Variants in NPSR1 observed in about 807,000 individuals in gnomAD.
The protein encoded by NPSR1 is neuropeptide S receptor.
NPSR1 carries 48 observed loss-of-function variants against 46.9 expected under a neutral mutation model. The observed-to-expected ratio is 1.02, with a 90% CI of 0.81 to 1.30. The LOEUF is 1.30. Ranked by LOEUF, NPSR1 falls within the 50% of genes most tolerant of loss-of-function variation. NPSR1 has a pLI of 0.00. For synonymous variants in NPSR1, 176 were observed against 168.1 expected, an observed-to-expected ratio of 1.05 and a Z score of -0.36; for missense variants, 450 against 449.5, an observed-to-expected ratio of 1.00 and a Z score of -0.01.
intron 5 of NPSR1, among the ~76,000 whole-genome samples, chr7:34,832,521 A>C (rs1790167429): frequency 6.6e-6 from 1 of 152,204 alleles, no homozygotes; most frequent in South Asian, 2.1e-4. Context: ...GTCCAAAAAA[A>C]AATGGGGACA....
intron 2 of NPSR1, among the ~76,000 whole-genome samples, chr7:34,725,742 G>C (rs978553265): frequency 2.6e-5 from 4 of 152,216 alleles, no homozygotes; most frequent in Non-Finnish European, 5.9e-5. Flanking sequence ...ATTGGCAAAA[G>C]ACAGACATCG....
chr7:34,811,495 C>A lies in NPSR1; in HGVS notation c.385-275C>A, dbSNP rs372765778. Among the ~76,000 whole-genome samples the A allele has an allele frequency of 9.9e-5, 15 of 152,208 alleles. No homozygotes were observed. The East Asian group carries it at 2.5e-3, about 25-fold the overall frequency. On this transcript the variant is annotated intron_variant, in intron 3 of 8. Coordinates refer to ENST00000360581, the MANE Select transcript of NPSR1 (RefSeq NM_207172.2). Reference sequence around the variant, plus strand: ...GGGCATGTAGCTGGCCAAAAGGCAACTTTTTGGGCACAAAAACAGGAATAC... The same window carrying A: ...GGGCATGTAGCTGGCCAAAAGGCAAATTTTTGGGCACAAAAACAGGAATAC...
intron 3 of NPSR1, among the ~76,000 whole-genome samples, chr7:34,805,190 A>G (rs959356565): frequency 2.0e-5 from 3 of 151,954 alleles, no homozygotes; most frequent in African/African-American, 7.2e-5. Context: ...CTCTAAAATC[A>G]TATGGAAAGG....
rs34203443 is a variant in NPSR1 at position 34,733,418 on chromosome 7, T to TAA, written c.281-45029_281-45028dup. ...TGGGTAACAAAGCAAGATTTTGTCT[T>TAA]AAAAAAAAAAAAAAAAGAAAAAGAA... On this transcript the variant is annotated intron_variant, in intron 2 of 8. Coordinates refer to ENST00000360581, the MANE Select transcript of NPSR1 (RefSeq NM_207172.2). Among the ~76,000 whole-genome samples the TAA allele has an allele frequency of 9.1e-3, 1,202 of 131,740 alleles. 17 individuals carry two copies. The highest frequency in any genetic ancestry group is 0.031 in the African/African-American group (1,074 of 34,840). 86.4% of individuals were successfully genotyped at this position (131,740 alleles called of 152,430 possible).
At chr7:34,832,616 G>T (rs1367282117) in intron 5 of NPSR1, among the ~76,000 whole-genome samples, 1 of 152,172 alleles carries the variant, frequency 6.6e-6, no homozygotes, top group Non-Finnish European at 1.5e-5. Flanking sequence ...TAGTTATTAG[G>T]TGTTCGCCAT....
chr7:34,698,512 T>C (rs1203844609), intron 2 of NPSR1, among the ~76,000 whole-genome samples: 16 of 152,188 alleles, frequency 1.1e-4, no homozygotes, highest in Admixed American at 9.8e-4. Flanking sequence ...AATCAATTTT[T>C]GTCAAACACT....
intron 3 of NPSR1, among the ~76,000 whole-genome samples, chr7:34,791,086 T>C (rs1787816627): frequency 2.0e-5 from 2 of 100,274 alleles, no homozygotes; most frequent in Admixed American, 2.2e-4. Flanking sequence ...ATGTTATATG[T>C]TATATATATT....
At chr7:34,848,799 C>A (rs1790834747) in intron 8 of NPSR1, 136 bp downstream of exon 8, 3 of 780,202 alleles carry the variant, frequency 3.8e-6, no homozygotes, top group South Asian at 3.6e-5. Context: ...GCTTGAGAGT[C>A]AGAAAGATTC....
intron 2 of NPSR1, chr7:34,750,342 C>T: frequency 1.4e-6 from 1 of 720,130 alleles, no homozygotes; most frequent in Non-Finnish European, 2.6e-6. Context: ...AAATCTTCCT[C>T]ACTTGACTCA....
chr7:34,828,105 G>A (rs1789946867), intron 5 of NPSR1, among the ~76,000 whole-genome samples: 1 of 152,220 alleles, frequency 6.6e-6, no homozygotes, highest in South Asian at 2.1e-4. Context: ...ACAAAACTCA[G>A]TATGCACTAA....
chr7:34,675,979 C>T (rs369083676), intron 1 of NPSR1, among the ~76,000 whole-genome samples: 1 of 152,122 alleles, frequency 6.6e-6, no homozygotes, highest in Non-Finnish European at 1.5e-5. Flanking sequence ...CTATATTCTG[C>T]AATAGTTTGG....
At chr7:34,689,604 CAAAAAAAAAAAAAAAAAAAA>C (rs869170591) in intron 2 of NPSR1, among the ~76,000 whole-genome samples, 621 of 36,708 alleles carry the variant, frequency 0.017, 20 homozygotes, top group African/African-American at 0.062. Flanking sequence ...GACTCTGTCT[CAAAAAAAAAAAAAAAAAAAA>C]AAAAAAAAAA....
At chr7:34,760,801 G>A (rs1786134436) in intron 2 of NPSR1, among the ~76,000 whole-genome samples, 1 of 152,136 alleles carries the variant, frequency 6.6e-6, no homozygotes, top group African/African-American at 2.4e-5. Context: ...ATACTACGGA[G>A]CTTTATATTC....
intron 1 of NPSR1, among the ~76,000 whole-genome samples, chr7:34,663,067 C>CTCTG (rs35826710): frequency 1.8e-3 from 176 of 99,422 alleles, no homozygotes; most frequent in African/African-American, 2.5e-3. Context: ...CTCTCTCTCT[C>CTCTG]TGTGTGTGTG....
At chr7:34,850,696 G>A (rs1191016365), downstream of NPSR1, among the ~76,000 whole-genome samples, 8 of 152,010 alleles carry the variant, frequency 5.3e-5, no homozygotes, top group East Asian at 1.9e-4. Context: ...CACCGCGCCC[G>A]GCCTGTCCTT....
At chr7:34,683,539 T>C (rs1161786275) in intron 1 of NPSR1, among the ~76,000 whole-genome samples, 1 of 152,176 alleles carries the variant, frequency 6.6e-6, no homozygotes, top group African/African-American at 2.4e-5. Context: ...TCTTAATCTG[T>C]TTCATGCTGC....
intron 1 of NPSR1, among the ~76,000 whole-genome samples, chr7:34,679,231 A>T (rs1050103528): frequency 5.3e-5 from 8 of 152,204 alleles, no homozygotes; most frequent in African/African-American, 1.9e-4. Context: ...GTAAGATCTT[A>T]CATATCAGTT....
At chr7:34,705,626 A>G (rs1458944078) in intron 2 of NPSR1, among the ~76,000 whole-genome samples, 1 of 151,410 alleles carries the variant, frequency 6.6e-6, no homozygotes, top group Non-Finnish European at 1.5e-5. Flanking sequence ...TCTCTCTCTC[A>G]TACACACACA....
intron 2 of NPSR1, among the ~76,000 whole-genome samples, chr7:34,754,355 T>C (rs1025057197): frequency 2.6e-5 from 4 of 152,210 alleles, no homozygotes; most frequent in Non-Finnish European, 4.4e-5. Context: ...TGACTAACAA[T>C]GGTTGGAGAA....
Sources: gnomAD v4.1 joint callset for allele counts (sites outside exome capture counted in the v4.1 genomes callset) on GRCh38, gnomAD v4.1.1 for gene constraint, MANE v1.5 for transcripts, NCBI Gene and HGNC (gene_info 2026-07-23, HGNC 2026-07-21) for gene names.